Variants in USH2A observed in about 807,000 individuals in gnomAD.
The protein encoded by USH2A is Usher syndrome 2A (autosomal recessive, mild).
A neutral mutation model predicts 538.9 loss-of-function variants in USH2A; 443 were observed. The ratio of observed to expected loss-of-function variants is 0.82; its 90% CI spans 0.76 to 0.89. The LOEUF (loss-of-function observed/expected upper bound fraction) is 0.89, where lower values mean the gene tolerates loss of function less well. Among genes scored for constraint, USH2A ranks in the 40% least tolerant of loss-of-function variants. The pLI, the probability that USH2A is intolerant of heterozygous loss-of-function variation, is 0.00. For synonymous variants in USH2A, 2,413 were observed against 2,273.5 expected, an observed-to-expected ratio of 1.06 and a Z score of -1.75; for missense variants, 6,633 against 6,324.8, an observed-to-expected ratio of 1.05 and a Z score of -1.65.
intron 32 of USH2A, among the ~76,000 whole-genome samples, chr1:216,026,789 A>T (rs1668977278): frequency 6.6e-6 from 1 of 152,166 alleles, no homozygotes; most frequent in South Asian, 2.1e-4. Flanking sequence ...ACATGTTATG[A>T]GAGAGGGGTA....
rs73090724 is a variant in USH2A at position 215,830,478 on chromosome 1, C to T, written c.9371+7513G>A. The stretch of plus-strand genomic sequence containing the variant: ...ATTTTTTTTTCTCGAATTCCTCTTA[C>T]CTCATTGCCTAAGAACAACTCCAGT... On this transcript the variant is annotated intron_variant, in intron 47 of 71. Transcript: ENST00000307340. Among the ~76,000 whole-genome samples the T allele has an allele frequency of 4.3e-3, 648 of 152,160 alleles. 4 individuals are homozygous for T. The highest frequency in any genetic ancestry group is 0.015 in the African/African-American group (605 of 41,512).
chr1:216,392,597 G>A (rs959756390), intron 3 of USH2A, among the ~76,000 whole-genome samples: 3 of 150,216 alleles, frequency 2.0e-5, no homozygotes, highest in Non-Finnish European at 2.9e-5. Flanking sequence ...GGGAATCTCT[G>A]TTACTTCCCT....
At chr1:216,237,494 T>TAAAAA (rs59074625) in intron 13 of USH2A, among the ~76,000 whole-genome samples, 6 of 114,266 alleles carry the variant, frequency 5.3e-5, no homozygotes, top group East Asian at 2.4e-4. Context: ...GACTCCGTCT[T>TAAAAA]AAAAAAAAAA....
intron 63 of USH2A, among the ~76,000 whole-genome samples, chr1:215,672,147 T>G (rs1311783529): frequency 6.6e-6 from 1 of 152,256 alleles, no homozygotes; most frequent in Non-Finnish European, 1.5e-5. Flanking sequence ...TTTTTGTGAG[T>G]ATTTAGTGCC....
rs2102664765 is a variant in USH2A, at chr1:215,674,252, G to A, written c.13659C>T (p.Asp4553=). Residue 4553 remains aspartate, a synonymous_variant, in exon 63 of 72, where the codon GAC becomes GAT. Coordinates refer to ENST00000307340, the MANE Select transcript of USH2A (RefSeq NM_206933.4). ...RGPQEILVNW[D]PPVRTNGDII... is the part of the protein sequence containing the mutation. ...TATCACCATTTGTTCTCACTGGAGG[G>A]TCCCAGTTCACTAAGATCTCCTGAG... 1 of 1,614,120 alleles carries A rather than the reference G, an allele frequency of 6.2e-7. No individual in the cohort carries two copies. The highest frequency in any genetic ancestry group is 8.5e-7 in the Non-Finnish European group (1 of 1,180,014).
chr1:216,263,676 A>T (rs2036418104), intron 11 of USH2A, among the ~76,000 whole-genome samples: 2 of 152,258 alleles, frequency 1.3e-5, no homozygotes, highest in South Asian at 4.1e-4. Context: ...AAACGGAGAA[A>T]AGGTGAAAAC....
chr1:216,146,794 T>G (rs2033715840), intron 21 of USH2A, among the ~76,000 whole-genome samples: 1 of 152,060 alleles, frequency 6.6e-6, no homozygotes, highest in Admixed American at 6.5e-5. Context: ...GTTTGCCTCC[T>G]TCACTATGGG....
chr1:215,963,306 T>C (rs1220351030), intron 37 of USH2A, among the ~76,000 whole-genome samples: 1 of 152,056 alleles, frequency 6.6e-6, no homozygotes, highest in Non-Finnish European at 1.5e-5. Flanking sequence ...CAAGACAATA[T>C]TCAAAATCCT....
At chr1:216,196,501 A>G in intron 19 of USH2A, 52 bp downstream of exon 19, 1 of 1,606,632 alleles carries the variant, frequency 6.2e-7, no homozygotes, top group Admixed American at 1.7e-5. Flanking sequence ...AAAAATGTCC[A>G]AATGAAGCCC....
chr1:216,195,399 T>TC (rs1349584844), intron 19 of USH2A, among the ~76,000 whole-genome samples: 3 of 152,052 alleles, frequency 2.0e-5, no homozygotes, highest in African/African-American at 7.2e-5. Context: ...CAGAATTTAG[T>TC]TTACAGATAG....
intron 23 of USH2A, among the ~76,000 whole-genome samples, chr1:216,088,452 A>C (rs1156655639): frequency 6.6e-6 from 1 of 152,190 alleles, no homozygotes; most frequent in African/African-American, 2.4e-5. Flanking sequence ...GGTACTGATT[A>C]AAATTAGATA....
chr1:216,357,023 G>C (rs1488570296), intron 4 of USH2A, among the ~76,000 whole-genome samples: 1 of 151,906 alleles, frequency 6.6e-6, no homozygotes, highest in African/African-American at 2.4e-5. Flanking sequence ...TTTTCCTTTA[G>C]TGTTTCTGGA....
At chr1:216,302,803 T>C (rs1319910821) in intron 9 of USH2A, among the ~76,000 whole-genome samples, 1 of 152,070 alleles carries the variant, frequency 6.6e-6, no homozygotes, top group Non-Finnish European at 1.5e-5. Context: ...CAAATTGTAA[T>C]ACGTGACATA....
At chr1:215,981,805 A>G (rs1397557654) in intron 35 of USH2A, among the ~76,000 whole-genome samples, 5 of 152,206 alleles carry the variant, frequency 3.3e-5, no homozygotes, top group African/African-American at 1.2e-4. Context: ...ATCATTTACC[A>G]GATAGCCTCT....
chr1:215,794,710 A>G (rs981343529), intron 50 of USH2A, among the ~76,000 whole-genome samples: 2 of 152,194 alleles, frequency 1.3e-5, no homozygotes, highest in African/African-American at 4.8e-5. Context: ...TGCCATGAGA[A>G]ACTCTAGAGC....
chr1:215,892,150 C>A (rs983500359), intron 40 of USH2A, among the ~76,000 whole-genome samples: 2 of 151,978 alleles, frequency 1.3e-5, no homozygotes. Flanking sequence ...TGCGCACACA[C>A]TTGTTTGTAT....
chr1:215,692,593 C>A lies in USH2A; in HGVS notation c.12067-12217G>T, dbSNP rs562440880. On this transcript the variant is annotated intron_variant, in intron 61 of 71. Coordinates refer to ENST00000307340, the MANE Select transcript of USH2A (RefSeq NM_206933.4). ...TGTGAGTTAGCTACAGTATCCTTAG[C>A]AAAGCAGTATTTTATACCCACAGCA... 4.6e-5 allele frequency among the ~76,000 whole-genome samples: 7 copies of A among 152,172 alleles called. No homozygotes were observed. In the East Asian group the frequency reaches 1.2e-3, roughly 25 times the overall value.
chr1:215,762,203 T>C (rs1301546822), intron 56 of USH2A, among the ~76,000 whole-genome samples: 1 of 152,166 alleles, frequency 6.6e-6, no homozygotes, highest in Non-Finnish European at 1.5e-5. Flanking sequence ...TGCTAGATGA[T>C]TCAACCAATC....
chr1:215,664,827 C>T (rs1437936674), intron 64 of USH2A, among the ~76,000 whole-genome samples: 2 of 152,046 alleles, frequency 1.3e-5, no homozygotes, highest in Non-Finnish European at 1.5e-5. Context: ...AGAAGGTGGC[C>T]CTCACCAGAC....
Sources: gnomAD v4.1 joint callset for allele counts (sites outside exome capture counted in the v4.1 genomes callset) on GRCh38, gnomAD v4.1.1 for gene constraint, MANE v1.5 for transcripts, NCBI Gene and HGNC (gene_info 2026-07-23, HGNC 2026-07-21) for gene names.